GRIK4: variants seen among roughly 807,000 people sequenced by gnomAD.
GRIK4 encodes the protein glutamate ionotropic receptor kainate type subunit 4.
In GRIK4, 40 loss-of-function variants were observed where a neutral mutation model predicts 104.9. The ratio of observed to expected loss-of-function variants is 0.38; its 90% CI spans 0.30 to 0.50. The LOEUF (loss-of-function observed/expected upper bound fraction) is 0.50. Among genes scored for constraint, GRIK4 ranks in the 20% least tolerant of loss-of-function variants. The pLI is 0.93. For missense variants in GRIK4, 1,047 were observed against 1,308.1 expected (o/e 0.80, Z 3.08); for synonymous variants, 485 against 524.9 (o/e 0.92, Z 1.04).
chr11:120,604,536 G>A (rs1027845956), intron 1 of GRIK4, among the ~76,000 whole-genome samples: 1 of 152,162 alleles, frequency 6.6e-6, no homozygotes, highest in Admixed American at 6.5e-5. Context: ...GATAGGAGAG[G>A]GTCACAGTCA....
intron 3 of GRIK4, among the ~76,000 whole-genome samples, chr11:120,673,072 T>G (rs4417279): frequency 0.59 from 89,380 of 152,012 alleles, 27,379 homozygotes; most frequent in African/African-American, 0.76. Context: ...CCATCCTCTA[T>G]CCCCTCCTCT....
In GRIK4 at chr11:120,903,070, C is replaced by A. The variant is rs1418799246; in HGVS notation, c.1273-2220C>A. On this transcript the variant is annotated intron_variant, in intron 12 of 20. Transcript: ENST00000527524. This position sits in a 1 kb window ranked among gnomAD's most constrained non-coding sequence, Gnocchi z 4.4. ...CTGTCTGGCCCTCCATCTTCCCCAG[C>A]CTAGAAGTCCTTCTCAGAACGAGCT... Among the ~76,000 whole-genome samples, 1 of 152,164 alleles carries A rather than the reference C, an allele frequency of 6.6e-6. No homozygotes were observed. Among genetic ancestry groups the A allele is most frequent in the East Asian group, 1.9e-4 (1 of 5,196 alleles).
At chr11:120,511,973 C>T (rs1210350162) in intron 1 of GRIK4, 86 bp downstream of exon 1, 1 of 151,036 alleles carries the variant, frequency 6.6e-6, no homozygotes, top group Non-Finnish European at 1.5e-5. Context: ...CTGGCCCTTC[C>T]CGCACCCCGA....
At chr11:120,941,608 G>A (rs1359764248) in intron 14 of GRIK4, among the ~76,000 whole-genome samples, 1 of 152,176 alleles carries the variant, frequency 6.6e-6, no homozygotes, top group Non-Finnish European at 1.5e-5. Context: ...TGCTAGATTA[G>A]GCTGGACTCT....
chr11:120,564,992 G>A (rs1369608534), intron 1 of GRIK4, among the ~76,000 whole-genome samples: 1 of 148,274 alleles, frequency 6.7e-6, no homozygotes, highest in African/African-American at 2.5e-5. Flanking sequence ...GGTGGGGGGG[G>A]TGGGGTGTCC....
chr11:120,575,070 A>C (rs1195426264), intron 1 of GRIK4, among the ~76,000 whole-genome samples: 1 of 152,202 alleles, frequency 6.6e-6, no homozygotes, highest in Non-Finnish European at 1.5e-5. Context: ...CTGGGAAGAG[A>C]AGAATGGGCT....
intron 1 of GRIK4, among the ~76,000 whole-genome samples, chr11:120,585,214 C>A (rs1948643865): frequency 6.6e-6 from 1 of 152,122 alleles, no homozygotes; most frequent in African/African-American, 2.4e-5. Context: ...GTCAATGGAC[C>A]CTTGGGTTGC....
At chr11:120,635,711 G>A (rs1271350789) in intron 1 of GRIK4, among the ~76,000 whole-genome samples, 1 of 152,206 alleles carries the variant, frequency 6.6e-6, no homozygotes, top group Non-Finnish European at 1.5e-5. Context: ...TAGCAAAGGA[G>A]CAAGCCAAGG....
chr11:120,751,317 A>G (rs1287376811), intron 3 of GRIK4, among the ~76,000 whole-genome samples: 1 of 152,186 alleles, frequency 6.6e-6, no homozygotes, highest in Non-Finnish European at 1.5e-5. Flanking sequence ...TGCCATTCCA[A>G]TATAAAAGAA....
intron 3 of GRIK4, among the ~76,000 whole-genome samples, chr11:120,730,848 G>C (rs1951115823): frequency 6.6e-6 from 1 of 151,818 alleles, no homozygotes; most frequent in Admixed American, 6.6e-5. Context: ...ATTACTTTTT[G>C]ATTTCTTTTT....
intron 1 of GRIK4, among the ~76,000 whole-genome samples, chr11:120,605,970 T>C (rs61193571): frequency 0.1 from 15,857 of 152,208 alleles, 1,964 homozygotes; most frequent in African/African-American, 0.27. Context: ...CCTTTTCTAA[T>C]AGGCTTCTTG....
chr11:120,628,628 T>A lies in GRIK4; in HGVS notation c.-158-25057T>A, dbSNP rs1209575137. 5.9e-5 allele frequency among the ~76,000 whole-genome samples: 9 copies of A among 152,068 alleles called. No individual in the cohort carries two copies. In the East Asian group the frequency reaches 1.7e-3, roughly 29 times the overall value. ...AAGGGTTAGCAGTGCCTCCCTGGGG[T>A]CCTGGCCTGTTTCACTGATGGGTGG... On this transcript the variant is annotated intron_variant, in intron 1 of 20. Transcript: ENST00000527524.
intron 13 of GRIK4, among the ~76,000 whole-genome samples, chr11:120,923,573 T>C (rs1223288649): frequency 1.3e-5 from 2 of 151,820 alleles, no homozygotes; most frequent in Non-Finnish European, 2.9e-5. Flanking sequence ...CCACCACCCC[T>C]GGCTAATTTT....
At chr11:120,773,123 T>C (rs1951978325) in intron 3 of GRIK4, among the ~76,000 whole-genome samples, 1 of 152,210 alleles carries the variant, frequency 6.6e-6, no homozygotes, top group Non-Finnish European at 1.5e-5. Context: ...TTTTCACTTG[T>C]TTTTGATGGT....
chr11:120,660,607 C>T (rs549685234), intron 3 of GRIK4, among the ~76,000 whole-genome samples: 2 of 152,256 alleles, frequency 1.3e-5, no homozygotes, highest in African/African-American at 4.8e-5. Flanking sequence ...CTGAGCTCCC[C>T]GGCCACTAGA....
At chr11:120,637,135 G>C (rs1166847023) in intron 1 of GRIK4, among the ~76,000 whole-genome samples, 2 of 151,868 alleles carry the variant, frequency 1.3e-5, no homozygotes, top group Non-Finnish European at 2.9e-5. Flanking sequence ...AGGGAAGGAG[G>C]TGAGAGGGAG....
intron 14 of GRIK4, among the ~76,000 whole-genome samples, chr11:120,942,773 G>T (rs1393019934): frequency 6.6e-6 from 1 of 152,130 alleles, no homozygotes; most frequent in Non-Finnish European, 1.5e-5. Context: ...TGTCAACTTG[G>T]CTAGGTTATG....
rs529794170 is a variant in GRIK4 at position 120,953,553 on chromosome 11, G to A, written c.1700+589G>A. Among the ~76,000 whole-genome samples the A allele has an allele frequency of 2.6e-5, 4 of 152,268 alleles. No homozygotes were observed. The East Asian group carries it at 5.8e-4, about 22-fold the overall frequency. On this transcript the variant is annotated intron_variant, in intron 15 of 20. Transcript: ENST00000527524. The surrounding 1 kb of genome is among the most constrained non-coding windows in gnomAD (Gnocchi z 4.9). ...GGCTGCTGGCGGGTGGCAAGGAGACGGGATGGAGAGAGGCGTTTTCAAGAA... is the reference window on the plus strand; with the variant it reads ...GGCTGCTGGCGGGTGGCAAGGAGACAGGATGGAGAGAGGCGTTTTCAAGAA...
At chr11:120,808,975 C>A (rs1035560154) in intron 4 of GRIK4, among the ~76,000 whole-genome samples, 2 of 152,128 alleles carry the variant, frequency 1.3e-5, no homozygotes, top group Non-Finnish European at 2.9e-5. Flanking sequence ...GGCAGGAGGA[C>A]CTGGCCCCCT....
Sources: allele counts gnomAD v4.1 joint callset (sites outside exome capture counted in the v4.1 genomes callset), GRCh38; gene constraint gnomAD v4.1.1; non-coding constraint Gnocchi (gnomAD v3.1); transcripts MANE v1.5; gene names NCBI Gene and HGNC (gene_info 2026-07-23, HGNC 2026-07-21).